The following TMTC1 variants were observed in gnomAD, a reference collection of about 807,000 sequenced individuals.
TMTC1 encodes the protein transmembrane O-mannosyltransferase targeting cadherins 1, also known as protein O-mannosyl-transferase TMTC1.
TMTC1 carries 73 observed loss-of-function variants against 104.8 expected under a neutral mutation model. That is an observed-to-expected ratio of 0.70 (90% CI 0.58 to 0.85). The LOEUF (loss-of-function observed/expected upper bound fraction) is 0.85, where lower values mean the gene tolerates loss of function less well. TMTC1 is among the 40% of genes least tolerant of loss of function. The pLI is 0.00. For missense variants in TMTC1, 1,035 were observed against 1,096.1 expected, an observed-to-expected ratio of 0.94 and a Z score of 0.79; for synonymous variants, 434 against 428.7, an observed-to-expected ratio of 1.01 and a Z score of -0.15.
At chr12:29,753,133 G>A (rs915827720) in intron 4 of TMTC1, among the ~76,000 whole-genome samples, 2 of 152,128 alleles carry the variant, frequency 1.3e-5, no homozygotes, top group Non-Finnish European at 2.9e-5. Flanking sequence ...CCTGCTTCCT[G>A]AATCATACGA....
intron 7 of TMTC1, among the ~76,000 whole-genome samples, chr12:29,593,362 C>G (rs191366034): frequency 2.1e-4 from 32 of 152,300 alleles, no homozygotes; most frequent in African/African-American, 6.5e-4. Context: ...GTATACTACT[C>G]TATCAGTTAC....
intron 5 of TMTC1, among the ~76,000 whole-genome samples, chr12:29,737,521 A>T (rs1330774746): frequency 6.6e-6 from 1 of 152,196 alleles, no homozygotes; most frequent in Non-Finnish European, 1.5e-5. Flanking sequence ...TCAAAAAAAT[A>T]AAAAATAAAA....
intron 2 of TMTC1, among the ~76,000 whole-genome samples, chr12:29,759,145 T>C (rs1437743296): frequency 6.6e-6 from 1 of 152,178 alleles, no homozygotes; most frequent in Non-Finnish European, 1.5e-5. Flanking sequence ...ATGCTGCTAA[T>C]GGAGCAGACA....
chr12:29,761,531 T>C (rs925877571), intron 2 of TMTC1, among the ~76,000 whole-genome samples: 2 of 151,846 alleles, frequency 1.3e-5, no homozygotes, highest in Non-Finnish European at 1.5e-5. Context: ...GGGAAACAGA[T>C]GACTCTTTAC....
At chr12:29,530,836 G>T (rs1944482745) in intron 11 of TMTC1, among the ~76,000 whole-genome samples, 1 of 152,124 alleles carries the variant, frequency 6.6e-6, no homozygotes, top group Non-Finnish European at 1.5e-5. Context: ...TTAGAAGTAA[G>T]CTCACCTCAG....
At chr12:29,770,827 T>A (rs1943579149) in intron 1 of TMTC1, among the ~76,000 whole-genome samples, 1 of 152,150 alleles carries the variant, frequency 6.6e-6, no homozygotes, top group Non-Finnish European at 1.5e-5. Context: ...GTATTCTACG[T>A]GTGATCACAG....
intron 7 of TMTC1, among the ~76,000 whole-genome samples, chr12:29,588,215 C>T (rs1288138555): frequency 6.6e-6 from 1 of 152,218 alleles, no homozygotes; most frequent in African/African-American, 2.4e-5. Flanking sequence ...AGGTATCTTG[C>T]AAGAGCCTTG....
Position 29,755,866 on chromosome 12 carries a change from C to T in TMTC1, c.574G>A (p.Val192Ile). The T allele has an allele frequency of 6.2e-7, 1 of 1,614,196 alleles. No individual in the cohort carries two copies. Among genetic ancestry groups the T allele is most frequent in the South Asian group, 1.1e-5 (1 of 91,082 alleles). Residue 192 changes from valine to isoleucine, a missense_variant, in exon 4 of 18, where the codon GTT (valine) becomes ATT (isoleucine). Transcript: ENST00000539277. ...ACCGTGGAAGGGAAACTTCCCCCAA[C>T]ACAGCCCTGATCCAGACTCCTGAAA... ...SYNRSLDQGC[V>I]GGSFPSTVSP... is the part of the protein sequence containing the mutation.
intron 1 of TMTC1, among the ~76,000 whole-genome samples, chr12:29,769,795 T>C (rs1169255272): frequency 6.6e-6 from 1 of 152,098 alleles, no homozygotes; most frequent in East Asian, 1.9e-4. Flanking sequence ...AGTTGGAAGG[T>C]CTCTTGGTTG....
chr12:29,662,666 CAAAA>C (rs35610791), intron 5 of TMTC1, among the ~76,000 whole-genome samples: 4 of 86,602 alleles, frequency 4.6e-5, no homozygotes, highest in Admixed American at 2.6e-4. Flanking sequence ...GACTCCGTCT[CAAAA>C]AAAAAAAAAA....
At chr12:29,644,879 C>G (rs1489108169) in intron 5 of TMTC1, among the ~76,000 whole-genome samples, 2 of 152,152 alleles carry the variant, frequency 1.3e-5, no homozygotes, top group African/African-American at 4.8e-5. Context: ...CCTTGAACTC[C>G]AACTCCTCTG....
intron 7 of TMTC1, among the ~76,000 whole-genome samples, chr12:29,585,827 T>C (rs1946119247): frequency 6.6e-6 from 1 of 152,214 alleles, no homozygotes; most frequent in Non-Finnish European, 1.5e-5. Flanking sequence ...TACAATGCTG[T>C]TTTGGTTACT....
intron 9 of TMTC1, among the ~76,000 whole-genome samples, chr12:29,559,473 T>A (rs889655228): frequency 1.3e-5 from 2 of 152,208 alleles, no homozygotes; most frequent in Non-Finnish European, 2.9e-5. Flanking sequence ...AGAAACAGAA[T>A]TCAAGTCCAC....
At chr12:29,558,458 A>C (rs1945301381) in intron 9 of TMTC1, among the ~76,000 whole-genome samples, 2 of 152,164 alleles carry the variant, frequency 1.3e-5, no homozygotes. Context: ...AGAGTCTCTT[A>C]AGTTTATTTG....
At chr12:29,643,116 T>C (rs1210324210) in intron 5 of TMTC1, among the ~76,000 whole-genome samples, 9 of 151,832 alleles carry the variant, frequency 5.9e-5, no homozygotes, top group African/African-American at 1.9e-4. Flanking sequence ...CCTGGGAGAA[T>C]GGCCATAATC....
intron 3 of TMTC1, among the ~76,000 whole-genome samples, chr12:29,757,400 G>A (rs74702827): frequency 0.027 from 4,117 of 152,258 alleles, 90 homozygotes; most frequent in Non-Finnish European, 0.043. Context: ...CTTCAGTTGT[G>A]ACAACCAAAA....
At chr12:29,764,185 T>C (rs1943412959) in intron 2 of TMTC1, among the ~76,000 whole-genome samples, 1 of 152,184 alleles carries the variant, frequency 6.6e-6, no homozygotes, top group Non-Finnish European at 1.5e-5. Flanking sequence ...GTGAACATAA[T>C]TGGATAGAAT....
At chr12:29,668,452 A>ATCTTTTT (rs1940369760) in intron 5 of TMTC1, among the ~76,000 whole-genome samples, 1 of 97,998 alleles carries the variant, frequency 1.0e-5, no homozygotes. Flanking sequence ...ATACCAACTT[A>ATCTTTTT]TCTTTTTTTT....
intron 5 of TMTC1, among the ~76,000 whole-genome samples, chr12:29,697,486 A>G (rs7296929): frequency 0.073 from 11,083 of 152,304 alleles, 687 homozygotes; most frequent in African/African-American, 0.17. Flanking sequence ...AGTCTATTAG[A>G]GTTCTCCAGA....
Sources: allele counts gnomAD v4.1 joint callset (sites outside exome capture counted in the v4.1 genomes callset), GRCh38; gene constraint gnomAD v4.1.1; transcripts MANE v1.5; gene names NCBI Gene and HGNC (gene_info 2026-07-23, HGNC 2026-07-21).